Variants in RNF152 observed in about 807,000 individuals in gnomAD.
RNF152 encodes E3 ubiquitin-protein ligase RNF152.
A neutral mutation model predicts 12.7 loss-of-function variants in RNF152; 11 were observed. That is an observed-to-expected ratio of 0.86 (90% CI 0.54 to 1.43). RNF152 has a LOEUF of 1.43. RNF152 is among the 40% of genes most tolerant of loss of function. The pLI is 0.00. For missense variants in RNF152, 255 were observed against 274.8 expected, an observed-to-expected ratio of 0.93 and a Z score of 0.51; for synonymous variants, 113 against 120.3, an observed-to-expected ratio of 0.94 and a Z score of 0.40.
At chr18:61,820,524 G>A (rs1442129699) in intron 1 of RNF152, among the ~76,000 whole-genome samples, 2 of 151,958 alleles carry the variant, frequency 1.3e-5, no homozygotes, top group East Asian at 1.9e-4. Flanking sequence ...CTACTGAGAT[G>A]TAGCTGTGCC....
At chr18:61,864,991 G>A (rs1349834039) in intron 1 of RNF152, among the ~76,000 whole-genome samples, 1 of 152,104 alleles carries the variant, frequency 6.6e-6, no homozygotes, top group Non-Finnish European at 1.5e-5. Flanking sequence ...TTGCACTCCA[G>A]CTTGGGCAAC....
intron 1 of RNF152, among the ~76,000 whole-genome samples, chr18:61,858,320 A>T (rs1911314935): frequency 6.7e-6 from 1 of 149,146 alleles, no homozygotes; most frequent in South Asian, 2.1e-4. Flanking sequence ...GCCCTCTGGA[A>T]CTATCTCCCC....
intron 1 of RNF152, among the ~76,000 whole-genome samples, chr18:61,844,149 A>AAAG: frequency 2.1e-5 from 3 of 143,674 alleles, no homozygotes; most frequent in Non-Finnish European, 3.1e-5. Context: ...AAATTAAGAG[A>AAAG]AAAGGAAGGA....
chr18:61,829,390 G>A (rs879127148), intron 1 of RNF152, among the ~76,000 whole-genome samples: 1 of 152,100 alleles, frequency 6.6e-6, no homozygotes, highest in South Asian at 2.1e-4. Flanking sequence ...AGCAGGGGGT[G>A]GTCCCAAGGA....
intron 1 of RNF152, among the ~76,000 whole-genome samples, chr18:61,838,835 C>T (rs960546476): frequency 6.6e-6 from 1 of 152,178 alleles, no homozygotes; most frequent in Non-Finnish European, 1.5e-5. Context: ...TGACTCCCTC[C>T]TTTTGTCAGC....
intron 1 of RNF152, among the ~76,000 whole-genome samples, chr18:61,828,219 G>T (rs914132798): frequency 1.3e-4 from 19 of 150,660 alleles, no homozygotes; most frequent in Admixed American, 8.7e-4. Context: ...GCTTTTCAGA[G>T]AATTTGAGTT....
At chr18:61,863,706 G>C (rs1241309869) in intron 1 of RNF152, among the ~76,000 whole-genome samples, 1 of 152,158 alleles carries the variant, frequency 6.6e-6, no homozygotes, top group Non-Finnish European at 1.5e-5. Context: ...GCGTTTTCCT[G>C]ATTCTGGGCT....
chr18:61,871,215 CA>C lies in RNF152; in HGVS notation c.-136+21579del, dbSNP rs142960702. Among the ~76,000 whole-genome samples, 92 of 139,682 alleles carry C rather than the reference CA, an allele frequency of 6.6e-4. 1 individual carries two copies. The highest frequency in any genetic ancestry group is 2.2e-3 in the African/African-American group (80 of 37,108). The allele number at this position is 139,682 out of a possible 152,430, so 91.6% of individuals were successfully genotyped here. On this transcript the variant is annotated intron_variant, in intron 1 of 1. Transcript: ENST00000312828. Reference sequence around the variant, plus strand: ...CACCCCCACCCACCTCCCCCCACCCCAAAAAAAAACAGAAGGGAATTGATTC... The same window carrying C: ...CACCCCCACCCACCTCCCCCCACCCCAAAAAAAACAGAAGGGAATTGATTC...
intron 1 of RNF152, among the ~76,000 whole-genome samples, chr18:61,834,408 A>G (rs567160007): frequency 9.2e-5 from 14 of 152,346 alleles, no homozygotes; most frequent in Non-Finnish European, 1.6e-4. Context: ...GAACCTTTCT[A>G]GAATGATCAT....
intron 1 of RNF152, among the ~76,000 whole-genome samples, chr18:61,828,276 T>C (rs1599270305): frequency 1.3e-5 from 2 of 152,310 alleles, no homozygotes. Flanking sequence ...GGGGTCTTGC[T>C]ATGTTGCCCA....
intron 1 of RNF152, among the ~76,000 whole-genome samples, chr18:61,836,553 C>T (rs552445529): frequency 6.6e-6 from 1 of 152,218 alleles, no homozygotes; most frequent in African/African-American, 2.4e-5. Context: ...CTCTGCAAAC[C>T]AGAAAGAAGG....
At chr18:61,878,029 C>T (rs984790162) in intron 1 of RNF152, among the ~76,000 whole-genome samples, 2 of 152,196 alleles carry the variant, frequency 1.3e-5, no homozygotes, top group African/African-American at 4.8e-5. Context: ...AGACTTCTCC[C>T]CTGGACTCTT....
At chr18:61,866,083 C>T (rs1252137081) in intron 1 of RNF152, among the ~76,000 whole-genome samples, 1 of 152,174 alleles carries the variant, frequency 6.6e-6, no homozygotes, top group African/African-American at 2.4e-5. Context: ...CAGGAATATT[C>T]CTGGCCATAT....
chr18:61,816,574 C>A lies in RNF152; in HGVS notation c.-111G>T, dbSNP rs955273250. The A allele has an allele frequency of 2.7e-6, 3 of 1,109,750 alleles. No homozygotes were observed. Among genetic ancestry groups the A allele is most frequent in the African/African-American group, 1.6e-5 (1 of 63,942 alleles). 68.7% of individuals were successfully genotyped at this position (1,109,750 alleles called of 1,614,324 possible). A position where few individuals can be genotyped will look rare whatever the true frequency, so the allele number is the denominator to read the frequency against. The stretch of plus-strand genomic sequence containing the variant: ...CAGGTAATGGCAAGCTCACAGGCAT[C>A]CAGTACTCACAGGTGTGTTCATTTC... On this transcript the variant is annotated 5_prime_UTR_variant, in exon 2 of 2. Coordinates refer to ENST00000312828, the MANE Select transcript of RNF152 (RefSeq NM_173557.3).
At chr18:61,825,357 C>T (rs1456471231) in intron 1 of RNF152, among the ~76,000 whole-genome samples, 1 of 152,138 alleles carries the variant, frequency 6.6e-6, no homozygotes, top group Non-Finnish European at 1.5e-5. Context: ...TAAACAGAAC[C>T]TTTAAACAGA....
rs140981445 is a variant in RNF152 at position 61,862,447 on chromosome 18, G to C, written c.-136+30348C>G. Among the ~76,000 whole-genome samples, 388 of 152,336 alleles carry C rather than the reference G, an allele frequency of 2.5e-3. 1 individual carries two copies. Among genetic ancestry groups the C allele is most frequent in the African/African-American group, 8.5e-3 (352 of 41,586 alleles). On this transcript the variant is annotated intron_variant, in intron 1 of 1. Transcript: ENST00000312828. ...TGAAGAGCAAGAGGCTTTCAAAAAG[G>C]TGGGAGGGAAGATTTCTGACTGAGG...
chr18:61,873,742 G>A (rs1912096926), intron 1 of RNF152, among the ~76,000 whole-genome samples: 2 of 152,136 alleles, frequency 1.3e-5, no homozygotes. Flanking sequence ...TTGTTCAAAA[G>A]TCCGTTATGA....
At chr18:61,878,115 T>C (rs1483514425) in intron 1 of RNF152, among the ~76,000 whole-genome samples, 4 of 152,222 alleles carry the variant, frequency 2.6e-5, no homozygotes, top group Non-Finnish European at 5.9e-5. Context: ...CATTTCCATA[T>C]ACATCCCATT....
At chr18:61,853,700 C>T (rs1911092406) in intron 1 of RNF152, among the ~76,000 whole-genome samples, 1 of 152,314 alleles carries the variant, frequency 6.6e-6, no homozygotes. Flanking sequence ...CTAACTTTGA[C>T]TATTCTACCT....
Sources: allele counts gnomAD v4.1 joint callset (sites outside exome capture counted in the v4.1 genomes callset), GRCh38; gene constraint gnomAD v4.1.1; transcripts MANE v1.5; gene names NCBI Gene and HGNC (gene_info 2026-07-23, HGNC 2026-07-21).